SLC9A4: variants seen among roughly 807,000 people sequenced by gnomAD.
SLC9A4 encodes the protein sodium/hydrogen exchanger 4.
A neutral mutation model predicts 67.4 loss-of-function variants in SLC9A4; 63 were observed. The ratio of observed to expected loss-of-function variants is 0.93; its 90% CI spans 0.76 to 1.15. The LOEUF (loss-of-function observed/expected upper bound fraction) is 1.15. Among genes scored for constraint, SLC9A4 ranks in the 50% most tolerant of loss-of-function variants. SLC9A4 has a pLI of 0.00. For synonymous variants in SLC9A4, 393 were observed against 367.2 expected (o/e 1.07, Z -0.80); for missense variants, 1,089 against 987.7 (o/e 1.10, Z -1.38).
chr2:102,479,006 G>A lies in SLC9A4; in HGVS notation c.424G>A (p.Gly142Ser), dbSNP rs149012651. The A allele has an allele frequency of 7.4e-6, 12 of 1,613,980 alleles. No individual in the cohort carries two copies. The highest frequency in any genetic ancestry group is 5.5e-5 in the South Asian group (5 of 91,094). ...TCTCCTGCCACCCATCGTTCTGGAGGGCGGCTACTTCATGCCCACCCGGCC... is the reference window on the plus strand; with the variant it reads ...TCTCCTGCCACCCATCGTTCTGGAGAGCGGCTACTTCATGCCCACCCGGCC... ...LYLLPPIVLE[G>S]GYFMPTRPFF... Residue 142 changes from glycine to serine, a missense_variant, in exon 2 of 12, where the codon GGC becomes AGC. Gly to Ser is a moderately conservative substitution (Grantham distance 56). Transcript: ENST00000295269.
chr2:102,476,349 A>G (rs1026449988), intron 1 of SLC9A4, among the ~76,000 whole-genome samples: 1 of 152,214 alleles, frequency 6.6e-6, no homozygotes, highest in South Asian at 2.1e-4. Flanking sequence ...TTTAAGCTCT[A>G]AGGCCTGAAA....
rs948559517 is a variant in SLC9A4, at chr2:102,474,085, T to C, written c.256+70T>C. 74 of 1,532,936 alleles carry C rather than the reference T, an allele frequency of 4.8e-5. 1 individual carries two copies. Among genetic ancestry groups the C allele is most frequent in the Non-Finnish European group, 6.0e-5 (68 of 1,132,906 alleles). The allele number at this position is 1,532,936 out of a possible 1,614,324, so 95.0% of individuals were successfully genotyped here. A position where few individuals can be genotyped will look rare whatever the true frequency, so the allele number is the denominator to read the frequency against. On this transcript the variant is annotated intron_variant, in intron 1 of 11. Coordinates refer to ENST00000295269, the MANE Select transcript of SLC9A4 (RefSeq NM_001011552.4). ...AGATAGTGAATGTGAAAATGCCTTA[T>C]AGATAACGGGCTAAGAGGATTTTAA...
intron 10 of SLC9A4, 97 bp downstream of exon 10, chr2:102,525,252 C>T (rs1054842550): frequency 1.1e-5 from 17 of 1,546,398 alleles, no homozygotes; most frequent in Non-Finnish European, 1.4e-5. Flanking sequence ...GCATGACCAT[C>T]GATGCTTAAA....
chr2:102,504,288 G>A (rs192395646), intron 3 of SLC9A4, among the ~76,000 whole-genome samples: 4 of 152,202 alleles, frequency 2.6e-5, no homozygotes, highest in Non-Finnish European at 4.4e-5. Flanking sequence ...TCCTGACCTC[G>A]TGATCTGCCC....
At chr2:102,487,841 T>C (rs1042747880) in intron 2 of SLC9A4, among the ~76,000 whole-genome samples, 4 of 152,192 alleles carry the variant, frequency 2.6e-5, no homozygotes, top group African/African-American at 7.2e-5. Context: ...TTTAGCTTTT[T>C]AGGGAGTAAT....
chr2:102,482,412 G>A (rs17027295), intron 2 of SLC9A4, among the ~76,000 whole-genome samples: 16,375 of 152,124 alleles, frequency 0.11, 1,158 homozygotes, highest in African/African-American at 0.2. Context: ...ATGATGATAC[G>A]CCTAGAACAA....
chr2:102,501,298 T>C (rs1684935071), intron 2 of SLC9A4, among the ~76,000 whole-genome samples: 5 of 152,160 alleles, frequency 3.3e-5, no homozygotes, highest in Non-Finnish European at 7.3e-5. Context: ...AATTTTGTAT[T>C]TTAGTAGAGA....
In SLC9A4 at chr2:102,514,244, C is replaced by T. The variant is rs145843156; in HGVS notation, c.1714C>T (p.Pro572Ser). ...GILSSTAFSI[P>S]HQAQRIQGIK... ...ACTGAGCTCTACAGCTTTCTCCATACCCCATCAGTGAGTCATATCTGTTCT... is the reference window on the plus strand; with the variant it reads ...ACTGAGCTCTACAGCTTTCTCCATATCCCATCAGTGAGTCATATCTGTTCT... The change falls in exon 8 of 12, where the codon CCC becomes TCC. Residue 572 changes from proline to serine, a missense_variant. By Grantham distance (74) the Pro-to-Ser change is moderately conservative. Transcript: ENST00000295269. The T allele has an allele frequency of 6.2e-7, 1 of 1,606,734 alleles. No homozygotes were observed. The highest frequency in any genetic ancestry group is 2.2e-5 in the East Asian group (1 of 44,814).
chr2:102,481,943 C>A (rs1326325387), intron 2 of SLC9A4, among the ~76,000 whole-genome samples: 4 of 151,982 alleles, frequency 2.6e-5, no homozygotes, highest in African/African-American at 9.7e-5. Flanking sequence ...GAGGAAAAGT[C>A]CCCCTTTGAA....
intron 2 of SLC9A4, among the ~76,000 whole-genome samples, chr2:102,493,209 G>T (rs1021138763): frequency 1.0e-4 from 15 of 149,260 alleles, no homozygotes; most frequent in African/African-American, 2.1e-4. Context: ...CCTTCAAATT[G>T]TTCCAAATTC....
intron 2 of SLC9A4, among the ~76,000 whole-genome samples, chr2:102,488,827 G>A (rs756164436): frequency 9.9e-5 from 15 of 152,174 alleles, no homozygotes; most frequent in Non-Finnish European, 1.2e-4. Context: ...AATTACAGGC[G>A]TGAGCCACTG....
At chr2:102,512,154 T>C in intron 6 of SLC9A4, 49 bp from the exon 7 acceptor site, 1 of 1,606,824 alleles carries the variant, frequency 6.2e-7, no homozygotes, top group Non-Finnish European at 8.5e-7. Context: ...TGTGTGTCTT[T>C]CAGAGTTCGC....
chr2:102,483,841 T>TATATACACACACACACACACAC (rs370126753), intron 2 of SLC9A4, among the ~76,000 whole-genome samples: 11 of 126,786 alleles, frequency 8.7e-5, no homozygotes, highest in African/African-American at 3.4e-4. Flanking sequence ...TATATATATA[T>TATATACACACACACACACACAC]ACACACACAC....
At position 102,508,232 on chromosome 2, in the gene SLC9A4, T is replaced by C. The variant is rs762925419; in HGVS notation, c.1352T>C (p.Met451Thr). Residue 451 changes from methionine to threonine, a missense_variant, in exon 5 of 12, where the codon ATG becomes ACG. Coordinates refer to ENST00000295269, the MANE Select transcript of SLC9A4 (RefSeq NM_001011552.4). ...CTGTCTCTTTTTCCTAGGAAGAAAA[T>C]GTTTGTCACTGCTACTCTAGTAGTT... ...LPLSLFPRKK[M>T]FVTATLVVIY... 4 of 1,614,160 alleles carry C rather than the reference T, an allele frequency of 2.5e-6. No individual in the cohort carries two copies.
At chr2:102,489,138 G>C (rs545464419) in intron 2 of SLC9A4, among the ~76,000 whole-genome samples, 18 of 152,168 alleles carry the variant, frequency 1.2e-4, no homozygotes, top group Non-Finnish European at 1.6e-4. Context: ...ACTACCTTTT[G>C]TATCATGCAG....
chr2:102,506,054 C>A (rs17027327), intron 4 of SLC9A4, among the ~76,000 whole-genome samples: 23,913 of 152,130 alleles, frequency 0.16, 2,243 homozygotes, highest in African/African-American at 0.26. Context: ...GTATAGCAAA[C>A]AAACAAATCA....
At position 102,532,871 on chromosome 2, in the gene SLC9A4, C is replaced by T. The variant is rs1674808826; in HGVS notation, c.*183C>T. The T allele has an allele frequency of 1.7e-6, 1 of 581,638 alleles. No individual in the cohort carries two copies. The highest frequency in any genetic ancestry group is 3.0e-6 in the Non-Finnish European group (1 of 338,496). The allele number at this position is 581,638 out of a possible 1,614,324, so 36.0% of individuals were successfully genotyped here. ...ACTGGGAGCAAACTTGCAGGCTCTG[C>T]CATGTACTTATTGTGGGGTACCTTT... On this transcript the variant is annotated 3_prime_UTR_variant, in exon 12 of 12. Transcript: ENST00000295269.
chr2:102,497,188 C>T (rs1684827704), intron 2 of SLC9A4, among the ~76,000 whole-genome samples: 1 of 152,220 alleles, frequency 6.6e-6, no homozygotes, highest in Non-Finnish European at 1.5e-5. Flanking sequence ...CTGCCTCGGC[C>T]TCCCAAAGTG....
Position 102,512,237 on chromosome 2 carries a change from T to C in SLC9A4, c.1523T>C (p.Val508Ala). 8 of 1,614,114 alleles carry C rather than the reference T, an allele frequency of 5.0e-6. No individual in the cohort carries two copies. Among genetic ancestry groups the C allele is most frequent in the Non-Finnish European group, 6.8e-6 (8 of 1,179,978 alleles). Residue 508 changes from valine (V) to alanine (A), a missense_variant, in exon 7 of 12, where the codon GTG becomes GCG. Physicochemically the swap from Val to Ala is moderately conservative, Grantham distance 64. Transcript: ENST00000295269. ...CACTTAAAGGCTGGAATCGAAGATG[T>C]GTGTGGGCACTGGAGTCACTACCAA... ...MDHLKAGIED[V>A]CGHWSHYQVR...
Sources: allele counts gnomAD v4.1 joint callset (sites outside exome capture counted in the v4.1 genomes callset), GRCh38; gene constraint gnomAD v4.1.1; transcripts MANE v1.5; gene names NCBI Gene and HGNC (gene_info 2026-07-23, HGNC 2026-07-21).